The following NSD1 variants were observed in gnomAD, a reference collection of about 807,000 sequenced individuals.
NSD1 encodes the protein nuclear receptor binding SET domain protein 1.
NSD1 carries 26 observed loss-of-function variants against 242.7 expected under a neutral mutation model. That is an observed-to-expected ratio of 0.11 (90% CI 0.08 to 0.15). The LOEUF is 0.15. NSD1 is among the 10% of genes least tolerant of loss of function. The pLI, the probability that NSD1 is intolerant of heterozygous loss-of-function variation, is 1.00. For synonymous variants in NSD1, 1,106 were observed against 1,178.1 expected, an observed-to-expected ratio of 0.94 and a Z score of 1.25; for missense variants, 2,495 against 3,272.8, an observed-to-expected ratio of 0.76 and a Z score of 5.80.
At chr5:177,291,740 T>C (rs1410010367) in intron 21 of NSD1, among the ~76,000 whole-genome samples, 2 of 152,294 alleles carry the variant, frequency 1.3e-5, no homozygotes, top group East Asian at 1.9e-4. Flanking sequence ...AACACAAAGA[T>C]TTTTGTCTTC....
intron 20 of NSD1, among the ~76,000 whole-genome samples, chr5:177,286,512 G>T (rs547427675): frequency 6.6e-6 from 1 of 152,146 alleles, no homozygotes; most frequent in South Asian, 2.1e-4. Flanking sequence ...TACCAGATAC[G>T]ATTCTAAGCA....
chr5:177,247,100 A>G (rs950631505), intron 10 of NSD1, among the ~76,000 whole-genome samples: 16 of 152,234 alleles, frequency 1.1e-4, no homozygotes, highest in African/African-American at 3.6e-4. Context: ...TATCAAGTCA[A>G]CATATGATCT....
intron 15 of NSD1, among the ~76,000 whole-genome samples, chr5:177,268,511 G>A (rs941497113): frequency 6.6e-6 from 1 of 151,992 alleles, no homozygotes; most frequent in East Asian, 1.9e-4. Context: ...GATTGAATAT[G>A]GAAAGCACAA....
intron 14 of NSD1, chr5:177,266,107 C>A (rs1043124860): frequency 8.9e-7 from 1 of 1,126,366 alleles, no homozygotes; most frequent in Non-Finnish European, 1.4e-6. Flanking sequence ...ACAGTGTGGC[C>A]CGTTCTGGGA....
upstream of NSD1, among the ~76,000 whole-genome samples, chr5:177,132,551 G>A (rs1200035208): frequency 1.3e-5 from 2 of 151,896 alleles, no homozygotes; most frequent in Non-Finnish European, 1.5e-5. This position sits in a 1 kb window ranked among gnomAD's most constrained non-coding sequence, Gnocchi z 7.5. Flanking sequence ...GGTGGTGAGG[G>A]AGCTTCGTCC....
At chr5:177,230,699 T>C (rs1764989519) in intron 5 of NSD1, among the ~76,000 whole-genome samples, 1 of 151,756 alleles carries the variant, frequency 6.6e-6, no homozygotes, top group Admixed American at 6.6e-5. Flanking sequence ...TGGTGGCTTG[T>C]GCCTGTAGTC....
intron 2 of NSD1, among the ~76,000 whole-genome samples, chr5:177,158,257 C>CT (rs1758314057): frequency 1.1e-5 from 1 of 93,184 alleles, no homozygotes; most frequent in Non-Finnish European, 1.9e-5. Context: ...TTCTTTCTTT[C>CT]TTTCTTTCTT....
chr5:177,138,673 C>G (rs1156569123), intron 2 of NSD1, among the ~76,000 whole-genome samples: 1 of 149,354 alleles, frequency 6.7e-6, no homozygotes, highest in Non-Finnish European at 1.5e-5. Flanking sequence ...AAGTTTCACT[C>G]TTGTTGCCCA....
At chr5:177,255,465 G>A (rs1450589198) in intron 12 of NSD1, among the ~76,000 whole-genome samples, 1 of 152,202 alleles carries the variant, frequency 6.6e-6, no homozygotes, top group Non-Finnish European at 1.5e-5. Flanking sequence ...GCAATTACCT[G>A]TAGGAGGATT....
chr5:177,135,761 G>C lies in NSD1; in HGVS notation c.658G>C (p.Gly220Arg), dbSNP rs755449099. The C allele has an allele frequency of 3.7e-6, 6 of 1,613,400 alleles. No individual in the cohort carries two copies. In the African/African-American group the frequency reaches 8.0e-5, roughly 22 times the overall value. The stretch of plus-strand genomic sequence containing the variant: ...AGACAGCACACCAGAGAGTAGACAC[G>C]GTGCAGTCAAATCGCCATTCTTGCC... ...EQDSTPESRHGAVKSPFLPLA... is the reference protein window; with the variant it reads ...EQDSTPESRHRAVKSPFLPLA... The change falls in exon 2 of 23, where the codon GGT becomes CGT. Residue 220 changes from glycine (G) to arginine (R), a missense_variant. Physicochemically the swap from Gly to Arg is moderately radical, Grantham distance 125. Coordinates refer to ENST00000439151, the MANE Select transcript of NSD1 (RefSeq NM_022455.5).
chr5:177,251,115 G>A (rs538026824), intron 11 of NSD1, among the ~76,000 whole-genome samples: 82 of 152,128 alleles, frequency 5.4e-4, no homozygotes, highest in African/African-American at 1.8e-3. Context: ...ACTTGAACCC[G>A]GGTGGCAGAG....
intron 2 of NSD1, among the ~76,000 whole-genome samples, chr5:177,168,299 A>C (rs181394541): frequency 6.6e-6 from 1 of 152,100 alleles, no homozygotes; most frequent in Non-Finnish European, 1.5e-5. Flanking sequence ...GGAGGATTGA[A>C]TGCATTTTCA....
chr5:177,277,703 A>G (rs1562289385), intron 17 of NSD1, among the ~76,000 whole-genome samples: 1 of 151,754 alleles, frequency 6.6e-6, no homozygotes, highest in Non-Finnish European at 1.5e-5. Flanking sequence ...CAGTCTCTAC[A>G]AAAAATACAA....
chr5:177,187,341 G>A lies in NSD1; in HGVS notation c.928-4543G>A, dbSNP rs1761320192. ...GCTGGTCTTGAACTCCTGACCTCCA[G>A]TGATTCTCCCACCTTGGCCTCCCAA... On this transcript the variant is annotated intron_variant, in intron 2 of 22. Coordinates refer to ENST00000439151, the MANE Select transcript of NSD1 (RefSeq NM_022455.5). Among the ~76,000 whole-genome samples the A allele has an allele frequency of 2.6e-5, 4 of 151,966 alleles. No individual in the cohort carries two copies. In the South Asian group the frequency reaches 8.3e-4, roughly 31 times the overall value.
At position 177,191,870 on chromosome 5, in the gene NSD1, TTGTC is replaced by T. The variant is rs1479186117; in HGVS notation, c.928-8_928-5del. ...TTGATTCTTATTGATGCCCCATGTTTTGTCTGTCTAAAGTGTCAACCTAAGAAAA... is the reference window on the plus strand; with the variant it reads ...TTGATTCTTATTGATGCCCCATGTTTTGTCTAAAGTGTCAACCTAAGAAAA... On this transcript the variant is annotated splice_polypyrimidine_tract_variant and intron_variant, in intron 2 of 22. Transcript: ENST00000439151. The T allele has an allele frequency of 1.9e-6, 3 of 1,613,792 alleles. No homozygotes were observed. The Admixed American group carries it at 5.0e-5, about 27-fold the overall frequency.
intron 3 of NSD1, among the ~76,000 whole-genome samples, chr5:177,199,550 G>A (rs368679114): frequency 7.4e-5 from 11 of 149,054 alleles, no homozygotes; most frequent in Admixed American, 4.6e-4. Flanking sequence ...AAGCCTCTGC[G>A]TCTGGCCAGC....
intron 2 of NSD1, among the ~76,000 whole-genome samples, chr5:177,144,886 G>C (rs1489811424): frequency 6.6e-6 from 1 of 151,998 alleles, no homozygotes; most frequent in Non-Finnish European, 1.5e-5. Context: ...TTCAAGACCA[G>C]CCTGGCCAAC....
chr5:177,139,517 ATTAAAAATAACT>A (rs1381074121), intron 2 of NSD1, among the ~76,000 whole-genome samples: 3 of 152,146 alleles, frequency 2.0e-5, no homozygotes, highest in Non-Finnish European at 4.4e-5. Context: ...GAAAAGTGTA[ATTAAAAATAACT>A]TTTCTATGTA....
rs139620524 is a variant in NSD1, at chr5:177,264,463, G to A, written c.5147-3099G>A. ...CACTCTTTTCCAGCAATATATCTCT[G>A]AGAGGCCATACTTTCTTCACGTATG... On this transcript the variant is annotated intron_variant, in intron 14 of 22. Coordinates refer to ENST00000439151, the MANE Select transcript of NSD1 (RefSeq NM_022455.5). 8.5e-5 allele frequency among the ~76,000 whole-genome samples: 13 copies of A among 152,250 alleles called. No homozygotes were observed. The East Asian group carries it at 2.5e-3, about 29-fold the overall frequency.
Sources: gnomAD v4.1 joint callset for allele counts (sites outside exome capture counted in the v4.1 genomes callset) on GRCh38, gnomAD v4.1.1 for gene constraint, Gnocchi (gnomAD v3.1) non-coding constraint, MANE v1.5 for transcripts, NCBI Gene and HGNC (gene_info 2026-07-23, HGNC 2026-07-21) for gene names.